IRAG2: variants seen among roughly 807,000 people sequenced by gnomAD.
IRAG2 encodes inositol 1,4,5-triphosphate receptor associated 2.
Under a neutral mutation model 69.9 loss-of-function variants are expected in IRAG2, and 45 were observed. The ratio of observed to expected loss-of-function variants is 0.64; its 90% CI spans 0.51 to 0.83. IRAG2 has a LOEUF of 0.83. Among genes scored for constraint, IRAG2 ranks in the 40% least tolerant of loss-of-function variants. The pLI is 0.00. For missense variants in IRAG2, 520 were observed against 587.0 expected, an observed-to-expected ratio of 0.89 and a Z score of 1.18; for synonymous variants, 193 against 202.4, an observed-to-expected ratio of 0.95 and a Z score of 0.40.
chr12:25,088,751 T>C (rs557250874), intron 11 of IRAG2, among the ~76,000 whole-genome samples: 1 of 152,336 alleles, frequency 6.6e-6, no homozygotes, highest in African/African-American at 2.4e-5. Flanking sequence ...CCAAATACTA[T>C]GTGAGGTGGT....
intron 15 of IRAG2, among the ~76,000 whole-genome samples, chr12:25,099,020 C>G (rs1948591684): frequency 6.6e-6 from 1 of 152,162 alleles, no homozygotes; most frequent in South Asian, 2.1e-4. Flanking sequence ...AGGCTTCCTG[C>G]AGTTCTACCC....
chr12:25,045,739 C>T (rs114443332), intron 16 of IRAG2, among the ~76,000 whole-genome samples: 2,092 of 151,294 alleles, frequency 0.014, 46 homozygotes, highest in African/African-American at 0.049. Flanking sequence ...TAATTAAACA[C>T]CTCCCAAAAA....
rs1480612316 is a variant in IRAG2 at position 25,010,657 on chromosome 12, C to G, written c.689-687C>G. Among the ~76,000 whole-genome samples the G allele has an allele frequency of 2.7e-5, 4 of 147,456 alleles. No homozygotes were observed. In the East Asian group the frequency reaches 7.9e-4, roughly 29 times the overall value. ...TTCTAATTAAGAGACTTTTTTTTTTCTGATGTCATGGTCTATCCTTATTTC... is the reference window on the plus strand; with the variant it reads ...TTCTAATTAAGAGACTTTTTTTTTTGTGATGTCATGGTCTATCCTTATTTC... On this transcript the variant is annotated intron_variant, in intron 2 of 38. Transcript: ENST00000636465.
At chr12:25,051,274 A>T (rs1280642543), upstream of IRAG2, among the ~76,000 whole-genome samples, 1 of 152,206 alleles carries the variant, frequency 6.6e-6, no homozygotes, top group Non-Finnish European at 1.5e-5. Flanking sequence ...CCAGTATGGT[A>T]AGCATTCTGT....
At chr12:25,051,278 A>G (rs1440674745), upstream of IRAG2, among the ~76,000 whole-genome samples, 2 of 152,218 alleles carry the variant, frequency 1.3e-5, no homozygotes, top group Admixed American at 6.5e-5. Context: ...TATGGTAAGC[A>G]TTCTGTGAGA....
At chr12:25,035,869 G>T (rs1038061312) in intron 14 of IRAG2, 46 of 398,086 alleles carry the variant, frequency 1.2e-4, no homozygotes, top group Non-Finnish European at 1.4e-4. Flanking sequence ...CCTGTTTGCT[G>T]AGTCCAAATG....
At chr12:25,008,670 T>C (rs1311954567) in intron 2 of IRAG2, among the ~76,000 whole-genome samples, 1 of 152,052 alleles carries the variant, frequency 6.6e-6, no homozygotes, top group Admixed American at 6.6e-5. Flanking sequence ...ACTCAGGAGT[T>C]GGAGGCTGCA....
intron 10 of IRAG2, among the ~76,000 whole-genome samples, chr12:25,086,129 A>G (rs1011036510): frequency 6.6e-6 from 1 of 152,232 alleles, no homozygotes; most frequent in Admixed American, 6.5e-5. Flanking sequence ...TAATGGATCA[A>G]TTTGCCATTG....
At chr12:25,020,798 A>G (rs1231884535) in exon 7 of IRAG2, 18 of 1,228,632 alleles carry the variant, frequency 1.5e-5, no homozygotes, top group Non-Finnish European at 1.6e-5. Context: ...AGTGCCCACC[A>G]GGCTATTATG....
intron 10 of IRAG2, among the ~76,000 whole-genome samples, chr12:25,087,151 T>G: frequency 7.7e-6 from 1 of 130,182 alleles, no homozygotes; most frequent in Non-Finnish European, 1.6e-5. Context: ...CCACTCTCCT[T>G]CCTTTTTTTT....
intron 20 of IRAG2, 120 bp downstream of exon 20, chr12:25,104,582 AAC>A (rs1240107348): frequency 1.5e-6 from 1 of 665,960 alleles, no homozygotes; most frequent in Non-Finnish European, 2.7e-6. Flanking sequence ...TTCATTGTAA[AAC>A]ACTTTTATAA....
chr12:25,049,482 A>C (rs1390838204), upstream of IRAG2, among the ~76,000 whole-genome samples: 1 of 152,182 alleles, frequency 6.6e-6, no homozygotes, highest in African/African-American at 2.4e-5. Context: ...TATTTAGAAA[A>C]TATAAGAAAC....
intron 8 of IRAG2, chr12:25,026,780 T>C: frequency 8.4e-7 from 1 of 1,193,704 alleles, no homozygotes; most frequent in Non-Finnish European, 1.0e-6. Flanking sequence ...ATACTATCTT[T>C]TACATTAGAA....
At chr12:25,061,158 C>A (rs1374459024) in intron 1 of IRAG2, among the ~76,000 whole-genome samples, 1 of 152,102 alleles carries the variant, frequency 6.6e-6, no homozygotes, top group Admixed American at 6.5e-5. Context: ...TTTCCCTTTC[C>A]TTTTCTTGAG....
chr12:25,083,350 A>G (rs1009870436), intron 9 of IRAG2, 73 bp from the exon 10 acceptor site: 1 of 901,436 alleles, frequency 1.1e-6, no homozygotes, highest in African/African-American at 1.6e-5. Context: ...CCATATTGCC[A>G]CTCTCACTGT....
rs977887670 is a variant in IRAG2, at chr12:25,004,587, C to G, written c.246C>G (p.Val82=). 8 of 1,231,948 alleles carry G rather than the reference C, an allele frequency of 6.5e-6. No individual in the cohort carries two copies. The African/African-American group carries it at 9.3e-5, about 14-fold the overall frequency. The allele number at this position is 1,231,948 out of a possible 1,614,324, so 76.3% of individuals were successfully genotyped here. Residue 82 remains valine, a synonymous_variant, in exon 1 of 39, where the codon GTC becomes GTG. Transcript: ENST00000636465. ...CTCATTGGTCAAGTTCTGAGGAAGT[C>G]GATGCCTTCATTTCATCGCCTCAAA... is the stretch of plus-strand genomic sequence containing the variant.
Position 25,041,285 on chromosome 12 carries a change from G to C in IRAG2, c.2144+3148G>C, listed in dbSNP as rs115821716. On this transcript the variant is annotated intron_variant, in intron 16 of 38. Coordinates refer to the IRAG2 transcript ENST00000636465. ...TTTGCAGTCCATGTTTAGGAGTTGGGATTTCATTGAGTATGGTGAGAAGCC... is the reference window on the plus strand; with the variant it reads ...TTTGCAGTCCATGTTTAGGAGTTGGCATTTCATTGAGTATGGTGAGAAGCC... 2.0e-3 allele frequency among the ~76,000 whole-genome samples: 299 copies of C among 152,268 alleles called. 2 individuals carry two copies. Among genetic ancestry groups the C allele is most frequent in the African/African-American group, 6.6e-3 (273 of 41,546 alleles).
chr12:25,099,271 C>A (rs538299123), intron 15 of IRAG2, among the ~76,000 whole-genome samples: 1 of 152,090 alleles, frequency 6.6e-6, no homozygotes, highest in Non-Finnish European at 1.5e-5. Context: ...TTCATGGTCC[C>A]CCCACCAAAC....
At chr12:25,056,064 C>G (rs1945237065) in intron 1 of IRAG2, among the ~76,000 whole-genome samples, 4 of 152,182 alleles carry the variant, frequency 2.6e-5, no homozygotes, top group Admixed American at 2.6e-4. Context: ...AGTATCTGCA[C>G]ATGAACTTCC....
Sources: allele counts gnomAD v4.1 joint callset (sites outside exome capture counted in the v4.1 genomes callset), GRCh38; gene constraint gnomAD v4.1.1; transcripts MANE v1.5; gene names NCBI Gene and HGNC (gene_info 2026-07-23, HGNC 2026-07-21).